EPM2A: variants seen among roughly 807,000 people sequenced by gnomAD.
EPM2A encodes EPM2A glucan phosphatase, laforin, also known as laforin.
A neutral mutation model predicts 26.5 loss-of-function variants in EPM2A; 21 were observed. The ratio of observed to expected loss-of-function variants is 0.79; its 90% confidence interval spans 0.56 to 1.14. The LOEUF is 1.14. Among genes scored for constraint, EPM2A ranks in the 50% most tolerant of loss-of-function variants. The pLI, the probability that EPM2A is intolerant of heterozygous loss-of-function variation, is 0.00. For missense variants in EPM2A, 458 were observed against 440.8 expected (o/e 1.04, Z -0.35); for synonymous variants, 217 against 177.6 (o/e 1.22, Z -1.76).
intron 1 of EPM2A, among the ~76,000 whole-genome samples, chr6:145,720,270 A>C (rs1284062305): frequency 1.3e-5 from 2 of 152,214 alleles, no homozygotes; most frequent in Non-Finnish European, 2.9e-5. Flanking sequence ...ATACTTCTTC[A>C]TTGTAGAGAA....
At chr6:145,514,491 A>G (rs142674442) in intron 2 of EPM2A, among the ~76,000 whole-genome samples, 12 of 152,318 alleles carry the variant, frequency 7.9e-5, no homozygotes, top group African/African-American at 2.4e-4. Context: ...ATATATGTAC[A>G]TTTACTAAAA....
intron 2 of EPM2A, among the ~76,000 whole-genome samples, chr6:145,510,427 T>C (rs1229114108): frequency 1.3e-5 from 2 of 152,010 alleles, no homozygotes; most frequent in Non-Finnish European, 2.9e-5. Flanking sequence ...TAGAAATCAA[T>C]ACCAGTAAGG....
chr6:145,495,783 G>T (rs1420166501), intron 4 of EPM2A, among the ~76,000 whole-genome samples: 1 of 152,080 alleles, frequency 6.6e-6, no homozygotes, highest in Non-Finnish European at 1.5e-5. Flanking sequence ...CACCATATTG[G>T]CCGGGTTGGA....
chr6:145,490,827 G>T (rs1779745039), intron 4 of EPM2A: 1 of 615,990 alleles, frequency 1.6e-6, no homozygotes, highest in South Asian at 1.4e-5. Flanking sequence ...TCAGATGCAT[G>T]GCCATCTTCT....
chr6:145,446,745 C>T (rs991775683), intron 4 of EPM2A, among the ~76,000 whole-genome samples: 8 of 151,824 alleles, frequency 5.3e-5, no homozygotes, highest in African/African-American at 1.9e-4. Flanking sequence ...GAAAATCGTC[C>T]CACACATGCA....
At chr6:145,466,836 CT>C (rs1779403411) in intron 4 of EPM2A, among the ~76,000 whole-genome samples, 1 of 152,176 alleles carries the variant, frequency 6.6e-6, no homozygotes, top group South Asian at 2.1e-4. Context: ...AGTTCATGTC[CT>C]TTGTAGGGAC....
chr6:145,537,109 T>C (rs946167536), intron 2 of EPM2A, among the ~76,000 whole-genome samples: 15 of 152,198 alleles, frequency 9.9e-5, no homozygotes, highest in Non-Finnish European at 1.5e-5. Flanking sequence ...TGGGGCCAAC[T>C]GTTACAGGAA....
intron 1 of EPM2A, among the ~76,000 whole-genome samples, chr6:145,720,206 AG>A (rs1306096669): frequency 6.6e-6 from 1 of 152,204 alleles, no homozygotes; most frequent in Non-Finnish European, 1.5e-5. Flanking sequence ...TGTGCAAAAA[AG>A]CATACATAGC....
At chr6:145,409,973 T>C (rs966256013) in intron 4 of EPM2A, among the ~76,000 whole-genome samples, 2 of 152,228 alleles carry the variant, frequency 1.3e-5, no homozygotes, top group Admixed American at 1.3e-4. Context: ...ATGCCTTTTA[T>C]GAATGACCTG....
chr6:145,425,327 C>A (rs1265343391), intron 4 of EPM2A, among the ~76,000 whole-genome samples: 1 of 152,076 alleles, frequency 6.6e-6, no homozygotes, highest in Non-Finnish European at 1.5e-5. Flanking sequence ...GCATCCACCA[C>A]CACAACCAGC....
chr6:145,720,372 G>A (rs879699777), intron 1 of EPM2A, among the ~76,000 whole-genome samples: 7 of 152,080 alleles, frequency 4.6e-5, no homozygotes, highest in Admixed American at 2.0e-4. Context: ...CCATTTACAA[G>A]CAATACTCAT....
At chr6:145,464,409 C>T (rs969744468) in intron 4 of EPM2A, among the ~76,000 whole-genome samples, 10 of 152,064 alleles carry the variant, frequency 6.6e-5, no homozygotes, top group African/African-American at 2.4e-4. Flanking sequence ...ACAACTTGTA[C>T]ACACACCTAC....
At chr6:145,477,240 A>T (rs932269220) in intron 4 of EPM2A, among the ~76,000 whole-genome samples, 10 of 151,938 alleles carry the variant, frequency 6.6e-5, no homozygotes, top group Admixed American at 2.6e-4. Context: ...GAAGAAATCT[A>T]AAACCTGAAC....
In EPM2A at chr6:145,625,568, A is replaced by C; in HGVS notation, c.*1848T>G. 1 of 639,476 alleles carries C rather than the reference A, an allele frequency of 1.6e-6. No individual in the cohort carries two copies. Among genetic ancestry groups the C allele is most frequent in the Non-Finnish European group, 2.9e-6 (1 of 348,480 alleles). The allele number at this position is 639,476 out of a possible 1,614,324, so 39.6% of individuals were successfully genotyped here. ...TTTAAAAATTTAATTTTTAAGATTA[A>C]ATTTTCACAACACATTATGACTGTA... On this transcript the variant is annotated 3_prime_UTR_variant, in exon 4 of 4. Transcript: ENST00000367519.
chr6:145,606,247 C>T (rs1044046818), intron 2 of EPM2A, among the ~76,000 whole-genome samples: 5 of 152,024 alleles, frequency 3.3e-5, no homozygotes, highest in South Asian at 2.1e-4. Flanking sequence ...TCAGCACACA[C>T]ATAGAATTTA....
intron 1 of EPM2A, among the ~76,000 whole-genome samples, chr6:145,704,719 G>C (rs1329994403): frequency 6.6e-6 from 1 of 152,108 alleles, no homozygotes; most frequent in African/African-American, 2.4e-5. Context: ...ACTTCATAGA[G>C]GATAAAACTG....
At chr6:145,605,127 T>G (rs1487493080) in intron 2 of EPM2A, among the ~76,000 whole-genome samples, 1 of 152,292 alleles carries the variant, frequency 6.6e-6, no homozygotes, top group African/African-American at 2.4e-5. Flanking sequence ...CCTACTTATT[T>G]AAGAAAACTT....
intron 2 of EPM2A, among the ~76,000 whole-genome samples, chr6:145,548,015 TA>T (rs1398499677): frequency 2.0e-5 from 3 of 152,052 alleles, no homozygotes; most frequent in African/African-American, 7.2e-5. Flanking sequence ...GAGACCCAAA[TA>T]CTCAATTGTG....
chr6:145,479,943 A>G (rs1301318068), intron 4 of EPM2A, among the ~76,000 whole-genome samples: 2 of 152,102 alleles, frequency 1.3e-5, no homozygotes, highest in Non-Finnish European at 2.9e-5. Context: ...AAAGAAAATT[A>G]TAGCCATGCC....
Sources: gnomAD v4.1 joint callset for allele counts (sites outside exome capture counted in the v4.1 genomes callset) on GRCh38, gnomAD v4.1.1 for gene constraint, MANE v1.5 for transcripts, NCBI Gene and HGNC (gene_info 2026-07-23, HGNC 2026-07-21) for gene names.